The following SKOR1 variants were observed in gnomAD, a reference collection of about 807,000 sequenced individuals.
SKOR1 encodes the protein LBX1 corepressor 1.
SKOR1 carries 38 observed loss-of-function variants against 72.4 expected under a neutral mutation model. The ratio of observed to expected loss-of-function variants is 0.52; its 90% CI spans 0.40 to 0.69. The LOEUF is 0.69. Ranked by LOEUF, SKOR1 falls within the 30% of genes least tolerant of loss-of-function variation. The pLI, the probability that SKOR1 is intolerant of heterozygous loss-of-function variation, is 0.00. For synonymous variants in SKOR1, 642 were observed against 599.4 expected (o/e 1.07, Z -1.04); for missense variants, 1,320 against 1,343.2 (o/e 0.98, Z 0.27).
At position 67,833,926 on chromosome 15, in the gene SKOR1, A is replaced by T; in HGVS notation, c.*90A>T. On this transcript the variant is annotated 3_prime_UTR_variant, in exon 9 of 9. Transcript: ENST00000380035. This position sits in a 1 kb window ranked among gnomAD's most constrained non-coding sequence, Gnocchi z 6.0. ...GGTGGCCCTGAGCGAGGAACAAGCCATTCGGACCCGACCGATGTAAATACA... is the reference window on the plus strand; with the variant it reads ...GGTGGCCCTGAGCGAGGAACAAGCCTTTCGGACCCGACCGATGTAAATACA... 7.2e-7 allele frequency: 1 copy of T among 1,391,244 alleles called. No homozygotes were observed. Among genetic ancestry groups the T allele is most frequent in the South Asian group, 1.2e-5 (1 of 86,538 alleles). The allele number at this position is 1,391,244 out of a possible 1,614,324, so 86.2% of individuals were successfully genotyped here. A position where few individuals can be genotyped will look rare whatever the true frequency, so the allele number is the denominator to read the frequency against.
In SKOR1 at chr15:67,832,399, A is replaced by T. The variant is rs763634664; in HGVS notation, c.2662+51A>T. 15 of 1,599,616 alleles carry T rather than the reference A, an allele frequency of 9.4e-6. No homozygotes were observed. Among genetic ancestry groups the T allele is most frequent in the Non-Finnish European group, 1.3e-5 (15 of 1,167,898 alleles). ...CCACCTCATCACCGAGCCTTCCACC[A>T]GGGTGCCCCGACCTACTCCGAAAGC... On this transcript the variant is annotated intron_variant, in intron 6 of 8. Transcript: ENST00000380035. This position sits in a 1 kb window ranked among gnomAD's most constrained non-coding sequence, Gnocchi z 4.5.
chr15:67,827,652 C>G lies in SKOR1; in HGVS notation c.1824C>G (p.Leu608=). The G allele has an allele frequency of 6.5e-7, 1 of 1,533,024 alleles. No homozygotes were observed. The highest frequency in any genetic ancestry group is 8.7e-7 in the Non-Finnish European group (1 of 1,143,758). The allele number at this position is 1,533,024 out of a possible 1,614,324, so 95.0% of individuals were successfully genotyped here. The change falls in exon 2 of 9, where the codon CTC becomes CTG. Residue 608 remains leucine (L), a synonymous_variant. Coordinates refer to ENST00000380035, the MANE Select transcript of SKOR1 (RefSeq NM_001365915.1). Reference sequence around the variant, plus strand: ...AGGACACCGAGAGCATCGCTAAGCTCTACGGGAGCGCCCGGGAGGCGTACG... The same window carrying G: ...AGGACACCGAGAGCATCGCTAAGCTGTACGGGAGCGCCCGGGAGGCGTACG... ...VVKDTESIAK[L]YGSAREAYGA...
chr15:67,826,091 T>G lies in SKOR1; in HGVS notation c.263T>G (p.Val88Gly). ...GETSLYGVPI[V>G]SLVIDGQERL... Reference sequence around the variant, plus strand: ...ACGTCGCTGTACGGGGTGCCCATTGTGTCGCTGGTCATCGACGGCCAGGAG... The same window carrying G: ...ACGTCGCTGTACGGGGTGCCCATTGGGTCGCTGGTCATCGACGGCCAGGAG... Residue 88 changes from valine to glycine, a missense_variant, in exon 2 of 9, where the codon GTG becomes GGG. This residue lies in a region of SKOR1 where 120 missense variants were observed against 104.9 expected (regional missense o/e 1.14). Coordinates refer to ENST00000380035, the MANE Select transcript of SKOR1 (RefSeq NM_001365915.1). 1 of 1,600,168 alleles carries G rather than the reference T, an allele frequency of 6.2e-7. No individual in the cohort carries two copies. Among genetic ancestry groups the G allele is most frequent in the Non-Finnish European group, 8.5e-7 (1 of 1,170,526 alleles).
chr15:67,831,920 G>T (rs1286879017), intron 5 of SKOR1, among the ~76,000 whole-genome samples: 1 of 140,618 alleles, frequency 7.1e-6, no homozygotes, highest in Non-Finnish European at 1.5e-5. Context: ...GGGAGGTCGG[G>T]GCCGGGGCGG....
At position 67,827,926 on chromosome 15, in the gene SKOR1, G is replaced by A. The variant is rs1484825534; in HGVS notation, c.2098G>A (p.Ala700Thr). The A allele has an allele frequency of 1.3e-6, 2 of 1,586,992 alleles. No individual in the cohort carries two copies. Among genetic ancestry groups the A allele is most frequent in the East Asian group, 2.3e-5 (1 of 43,910 alleles). Residue 700 changes from alanine to threonine, a missense_variant, in exon 2 of 9, where the codon GCC (alanine) becomes ACC (threonine). This residue lies in a region of SKOR1 where 1,099 missense variants were observed against 1,025.5 expected (regional missense o/e 1.07). Coordinates refer to ENST00000380035, the MANE Select transcript of SKOR1 (RefSeq NM_001365915.1). ...DGEQPTGPPSATSSGADGPAN... is the reference protein window; with the variant it reads ...DGEQPTGPPSTTSSGADGPAN... ...TGAACAGCCCACTGGACCCCCTTCC[G>A]CCACCTCCTCTGGCGCGGACGGTCC...
chr15:67,827,168 C>T lies in SKOR1; in HGVS notation c.1340C>T (p.Pro447Leu), dbSNP rs766989979. The change falls in exon 2 of 9, where the codon CCC (proline) becomes CTC (leucine). Residue 447 changes from proline (P) to leucine (L), a missense_variant. Pro to Leu is a moderately conservative substitution (Grantham distance 98). Transcript: ENST00000380035. ...GAGGPGASHLPPGAGAGPGGG... is the reference protein window; with the variant it reads ...GAGGPGASHLLPGAGAGPGGG... ...GGGGGCCCGGGAGCCAGCCACTTGC[C>T]CCCGGGGGCAGGGGCGGGCCCGGGC... The T allele has an allele frequency of 1.5e-5, 20 of 1,355,132 alleles. No individual in the cohort carries two copies. The highest frequency in any genetic ancestry group is 1.9e-5 in the Non-Finnish European group (20 of 1,064,600). 83.9% of individuals were successfully genotyped at this position (1,355,132 alleles called of 1,614,324 possible).
chr15:67,827,887 G>A lies in SKOR1; in HGVS notation c.2059G>A (p.Gly687Ser). ...ETEPSAPSAG[G>S]GPDGEQPTGP... ...CGAGCCCAGCGCACCCAGCGCAGGG[G>A]GCGGCCCAGACGGTGAACAGCCCAC... The change falls in exon 2 of 9, where the codon GGC becomes AGC. Residue 687 changes from glycine (G) to serine (S), a missense_variant. This residue lies in a region of SKOR1 where 1,099 missense variants were observed against 1,025.5 expected (regional missense o/e 1.07). Transcript: ENST00000380035. 2 of 1,600,410 alleles carry A rather than the reference G, an allele frequency of 1.2e-6. No homozygotes were observed. The highest frequency in any genetic ancestry group is 8.5e-7 in the Non-Finnish European group (1 of 1,174,498).
rs2141366919 is a variant in SKOR1, at chr15:67,827,961, T to C, written c.2133T>C (p.Ser711=). Residue 711 remains serine (S), a synonymous_variant, in exon 2 of 9, where the codon TCT becomes TCC. Coordinates refer to ENST00000380035, the MANE Select transcript of SKOR1 (RefSeq NM_001365915.1). ...CTGGCGCGGACGGTCCCGCAAACTCTCCCGACGGCGGCAGCCCCCGCCCCC... is the reference window on the plus strand; with the variant it reads ...CTGGCGCGGACGGTCCCGCAAACTCCCCCGACGGCGGCAGCCCCCGCCCCC... ...TSSGADGPAN[S]PDGGSPRPRR... is the part of the protein sequence containing the mutation. The C allele has an allele frequency of 6.4e-7, 1 of 1,550,474 alleles. No individual in the cohort carries two copies. The highest frequency in any genetic ancestry group is 8.7e-7 in the Non-Finnish European group (1 of 1,150,916).
rs888761743 is a variant in SKOR1 at position 67,830,308 on chromosome 15, C to A, written c.2515+10C>A. The stretch of plus-strand genomic sequence containing the variant: ...GCAAATACAGACAGAGGTGAGCCAG[C>A]CCTTGAACCCATCGCTCTCCACCGC... On this transcript the variant is annotated intron_variant, in intron 4 of 8. Coordinates refer to ENST00000380035, the MANE Select transcript of SKOR1 (RefSeq NM_001365915.1). 1.9e-6 allele frequency: 3 copies of A among 1,611,782 alleles called. No individual in the cohort carries two copies. Among genetic ancestry groups the A allele is most frequent in the Non-Finnish European group, 1.7e-6 (2 of 1,178,034 alleles).
chr15:67,826,155 G>A lies in SKOR1; in HGVS notation c.327G>A (p.Lys109=), dbSNP rs1427433465. 1.2e-6 allele frequency: 2 copies of A among 1,609,740 alleles called. No homozygotes were observed. The change falls in exon 2 of 9, where the codon AAG becomes AAA. Residue 109 remains lysine, a synonymous_variant. Transcript: ENST00000380035. ...CLAQISNTLL[K]NYSYNEIHNR... is the part of the protein sequence containing the mutation. ...CGCAGATCTCCAACACCCTCCTCAA[G>A]AACTACAGCTATAATGAGATCCACA...
In SKOR1 at chr15:67,825,891, G is replaced by T. The variant is rs1309573656; in HGVS notation, c.108-45G>T. ...TGGGCGGGCCCGAGCCTCGGCGGCGGCGCTGAAAATGGCTCATCTGCTCTC... is the reference window on the plus strand; with the variant it reads ...TGGGCGGGCCCGAGCCTCGGCGGCGTCGCTGAAAATGGCTCATCTGCTCTC... On this transcript the variant is annotated intron_variant, in intron 1 of 8. Transcript: ENST00000380035. This position sits in a 1 kb window ranked among gnomAD's most constrained non-coding sequence, Gnocchi z 5.6. 3 of 1,509,398 alleles carry T rather than the reference G, an allele frequency of 2.0e-6. No individual in the cohort carries two copies. Among genetic ancestry groups the T allele is most frequent in the Admixed American group, 4.5e-5 (2 of 44,218 alleles). The allele number at this position is 1,509,398 out of a possible 1,614,324, so 93.5% of individuals were successfully genotyped here.
intron 4 of SKOR1, 150 bp downstream of exon 4, chr15:67,830,448 G>A (rs1211937230): frequency 4.1e-6 from 3 of 730,372 alleles, no homozygotes; most frequent in Non-Finnish European, 6.8e-6. Flanking sequence ...AATATTTAAC[G>A]CGAGCAGGGT....
chr15:67,826,774 A>C lies in SKOR1; in HGVS notation c.946A>C (p.Met316Leu). The C allele has an allele frequency of 6.5e-7, 1 of 1,533,770 alleles. No homozygotes were observed. Among genetic ancestry groups the C allele is most frequent in the Non-Finnish European group, 8.7e-7 (1 of 1,144,840 alleles). ...GGGGPGCGAE[M>L]APGPPPHKSL... ...CGGTGGCCCAGGGTGCGGTGCAGAG[A>C]TGGCCCCAGGCCCGCCGCCCCACAA... Residue 316 changes from methionine (M) to leucine (L), a missense_variant, in exon 2 of 9, where the codon ATG (methionine) becomes CTG (leucine). Transcript: ENST00000380035.
At chr15:67,828,941 C>T (rs947591889) in intron 2 of SKOR1, among the ~76,000 whole-genome samples, 1 of 152,252 alleles carries the variant, frequency 6.6e-6, no homozygotes, top group Admixed American at 6.5e-5. Flanking sequence ...TTGAACGCCC[C>T]TCGGCTTGGG....
intron 2 of SKOR1, among the ~76,000 whole-genome samples, chr15:67,828,928 A>G (rs893476591): frequency 2.0e-5 from 3 of 152,198 alleles, no homozygotes; most frequent in Non-Finnish European, 4.4e-5. Context: ...GGTGGAGGAC[A>G]CTTTGAACGC....
rs968846129 is a variant in SKOR1 at position 67,834,157 on chromosome 15, A to G, written c.*321A>G. 3.0e-5 allele frequency: 13 copies of G among 438,850 alleles called. No individual in the cohort carries two copies. Among genetic ancestry groups the G allele is most frequent in the African/African-American group, 6.0e-5 (3 of 49,828 alleles). The allele number at this position is 438,850 out of a possible 1,614,324, so 27.2% of individuals were successfully genotyped here. ...GCGGGAGGGGAGAGCGCCCCCTCCC[A>G]TTGTATAGCCTTGAACCCGATTGTG... On this transcript the variant is annotated 3_prime_UTR_variant, in exon 9 of 9. Transcript: ENST00000380035. This position sits in a 1 kb window ranked among gnomAD's most constrained non-coding sequence, Gnocchi z 5.8.
In SKOR1 at chr15:67,826,589, A is replaced by G; in HGVS notation, c.761A>G (p.Lys254Arg). 3.1e-6 allele frequency: 5 copies of G among 1,614,006 alleles called. No homozygotes were observed. The highest frequency in any genetic ancestry group is 4.2e-6 in the Non-Finnish European group (5 of 1,179,990). Residue 254 changes from lysine to arginine, a missense_variant, in exon 2 of 9, where the codon AAG becomes AGG. Lys to Arg is a conservative substitution (Grantham distance 26). Transcript: ENST00000380035. The stretch of plus-strand genomic sequence containing the variant: ...CGTCGTCACCTCAAACTCAGTGACA[A>G]GTCGGCCACAGACGAACTGAGCCAT... ...SWRRHLKLSD[K>R]SATDELSHAW...
intron 4 of SKOR1, 127 bp from the exon 5 acceptor site, chr15:67,830,691 C>G (rs1462517743): frequency 2.3e-6 from 2 of 858,750 alleles, no homozygotes; most frequent in Non-Finnish European, 3.9e-6. Flanking sequence ...ATTCCTGTAA[C>G]TGTCTCCTCT....
At chr15:67,829,781 C>T (rs2090994064) in intron 3 of SKOR1, among the ~76,000 whole-genome samples, 1 of 152,220 alleles carries the variant, frequency 6.6e-6, no homozygotes. Context: ...TCGGGCAGGT[C>T]GAGGCAGCCG....
Sources: gnomAD v4.1 joint callset for allele counts (sites outside exome capture counted in the v4.1 genomes callset) on GRCh38, gnomAD v4.1.1 for gene constraint, gnomAD v4.1.1 regional missense constraint, Gnocchi (gnomAD v3.1) non-coding constraint, MANE v1.5 for transcripts, NCBI Gene and HGNC (gene_info 2026-07-23, HGNC 2026-07-21) for gene names.